The following TRPM2 variants were observed in gnomAD, a reference collection of about 807,000 sequenced individuals.
The protein encoded by TRPM2 is estrogen-responsive element-associated gene 1 protein.
TRPM2 carries 161 observed loss-of-function variants against 174.0 expected under a neutral mutation model. The ratio of observed to expected loss-of-function variants is 0.93; its 90% CI spans 0.81 to 1.05. The LOEUF (loss-of-function observed/expected upper bound fraction) is 1.05. Ranked by LOEUF, TRPM2 falls within the 50% of genes least tolerant of loss-of-function variation. TRPM2 has a pLI of 0.00. For synonymous variants in TRPM2, 954 were observed against 861.3 expected, an observed-to-expected ratio of 1.11 and a Z score of -1.88; for missense variants, 2,057 against 2,038.0, an observed-to-expected ratio of 1.01 and a Z score of -0.18.
chr21:44,418,174 C>T (rs1261840758), intron 21 of TRPM2, 66 bp downstream of exon 21: 1 of 1,548,228 alleles, frequency 6.5e-7, no homozygotes, highest in Non-Finnish European at 8.7e-7. Flanking sequence ...GTGGAGATGG[C>T]ATGGCAGCTC....
intron 27 of TRPM2, among the ~76,000 whole-genome samples, chr21:44,434,559 G>A (rs2051160878): frequency 6.6e-6 from 1 of 152,230 alleles, no homozygotes; most frequent in East Asian, 1.9e-4. Flanking sequence ...CCCGTTTCTA[G>A]AACTTGCTGT....
At position 44,391,407 on chromosome 21, in the gene TRPM2, C is replaced by T. The variant is rs746682156; in HGVS notation, c.1576C>T (p.Leu526=). ...CACCTTGCTCTACCTGTACGAGAACCTGGACCCCTCCTGCCTGTTCCACAG... is the reference window on the plus strand; with the variant it reads ...CACCTTGCTCTACCTGTACGAGAACTTGGACCCCTCCTGCCTGTTCCACAG... ...WDTLLYLYEN[L]DPSCLFHSKL... Residue 526 remains leucine, a synonymous_variant, in exon 11 of 32, where the codon CTG becomes TTG. Transcript: ENST00000397928. This position sits in a 1 kb window ranked among gnomAD's most constrained non-coding sequence, Gnocchi z 5.0. The T allele has an allele frequency of 1.2e-6, 2 of 1,614,124 alleles. No homozygotes were observed.
intron 13 of TRPM2, 45 bp downstream of exon 13, chr21:44,397,921 C>T: frequency 6.5e-7 from 1 of 1,528,022 alleles, no homozygotes; most frequent in African/African-American, 1.4e-5. Context: ...CTCAGCCGTG[C>T]ATGCCCTCAC....
intron 9 of TRPM2, among the ~76,000 whole-genome samples, chr21:44,387,614 C>A (rs1295321059): frequency 1.3e-5 from 2 of 152,042 alleles, no homozygotes; most frequent in African/African-American, 4.8e-5. Flanking sequence ...AAAGGCAACC[C>A]ATGGAATGGG....
In TRPM2 at chr21:44,379,199, T is replaced by C. The variant is rs759843571; in HGVS notation, c.1215+2T>C. On this transcript the variant is annotated splice_donor_variant, in intron 8 of 31. Transcript: ENST00000397928. LOFTEE classifies it high-confidence loss of function. ...AGGATTGTCGAGTGGACCAAAAAGG[T>C]GAGGCTGACGGGCACGACGGTCACC... 2 of 1,612,044 alleles carry C rather than the reference T, an allele frequency of 1.2e-6. No homozygotes were observed. The highest frequency in any genetic ancestry group is 1.7e-6 in the Non-Finnish European group (2 of 1,179,890).
chr21:44,416,620 G>C (rs1410003069), intron 20 of TRPM2: 5 of 186,564 alleles, frequency 2.7e-5, no homozygotes, highest in Non-Finnish European at 4.5e-5. Context: ...TTATAATATC[G>C]AAAGTCTGTG....
At chr21:44,437,000 C>G (rs1043077034) in intron 28 of TRPM2, 62 bp from the exon 29 acceptor site, 1 of 1,471,006 alleles carries the variant, frequency 6.8e-7, no homozygotes. Flanking sequence ...AGCCCCGCCG[C>G]GGCGCAGGGG....
chr21:44,422,164 C>T, intron 22 of TRPM2: 2 of 1,338,178 alleles, frequency 1.5e-6, no homozygotes, highest in South Asian at 2.9e-5. Flanking sequence ...GTCACCGTCC[C>T]CTCCTCCAGT....
intron 27 of TRPM2, among the ~76,000 whole-genome samples, chr21:44,428,185 A>T (rs2050875670): frequency 6.6e-6 from 1 of 152,180 alleles, no homozygotes; most frequent in Admixed American, 6.5e-5. Context: ...TTTCTATGAA[A>T]TTATAAAGAC....
Position 44,399,903 on chromosome 21 carries a change from G to A in TRPM2, c.2209-356G>A, listed in dbSNP as rs1185876316. ...GCACGCTGGGCTTCCTTGGAGCGCC[G>A]AGCTATTGCCAAGTCCATGAGCTCC... On this transcript the variant is annotated intron_variant, in intron 14 of 31. Coordinates refer to ENST00000397928, the MANE Select transcript of TRPM2 (RefSeq NM_003307.4). The surrounding 1 kb of genome is among the most constrained non-coding windows in gnomAD (Gnocchi z 4.6). 1.3e-5 allele frequency among the ~76,000 whole-genome samples: 2 copies of A among 152,138 alleles called. No homozygotes were observed. The highest frequency in any genetic ancestry group is 2.1e-4 in the South Asian group (1 of 4,838).
At chr21:44,418,593 C>T (rs776911822) in intron 22 of TRPM2, 38 bp downstream of exon 22, 6 of 1,611,124 alleles carry the variant, frequency 3.7e-6, no homozygotes, top group Non-Finnish European at 5.1e-6. Flanking sequence ...CGGGAAGCCT[C>T]TGGGGGACCT....
At chr21:44,403,481 T>C (rs1479573403) in intron 16 of TRPM2, among the ~76,000 whole-genome samples, 2 of 151,778 alleles carry the variant, frequency 1.3e-5, no homozygotes, top group Non-Finnish European at 2.9e-5. Context: ...TGCACACACA[T>C]GCATACACAT....
rs141958151 is a variant in TRPM2, at chr21:44,423,333, A to T, written c.3462-312A>T. 3.7e-4 allele frequency: 140 copies of T among 377,668 alleles called. 2 individuals carry two copies. In the East Asian group the frequency reaches 6.8e-3, roughly 18 times the overall value. 23.4% of individuals were successfully genotyped at this position (377,668 alleles called of 1,614,324 possible). On this transcript the variant is annotated intron_variant, in intron 22 of 31. Transcript: ENST00000397928. The stretch of plus-strand genomic sequence containing the variant: ...CTCTGCTGTGCCCAGAGGAAGTTTC[A>T]TTGTTTGTGACCTGTCACCTGGCCC...
intron 19 of TRPM2, among the ~76,000 whole-genome samples, chr21:44,408,654 CTTTTTTTTTTTT>C (rs34026339): frequency 7.8e-5 from 8 of 102,740 alleles, no homozygotes; most frequent in African/African-American, 1.8e-4. Flanking sequence ...CTCCTTTGCC[CTTTTTTTTTTTT>C]TTTTTTTTTC....
intron 2 of TRPM2, among the ~76,000 whole-genome samples, chr21:44,361,645 G>GTT (rs113631127): frequency 4.8e-5 from 7 of 144,682 alleles, no homozygotes; most frequent in African/African-American, 1.8e-4. Flanking sequence ...TTTGTTCTGT[G>GTT]TTTTTTTTTT....
At position 44,435,117 on chromosome 21, in the gene TRPM2, C is replaced by A. The variant is rs767238992; in HGVS notation, c.3975-14C>A. The A allele has an allele frequency of 1.2e-6, 2 of 1,610,726 alleles. No individual in the cohort carries two copies. The highest frequency in any genetic ancestry group is 1.1e-5 in the South Asian group (1 of 90,920). ...TGGTGGACGGTGGACTGACTCAACC[C>A]CTCTGCATCCCAGGAACCCCATGGG... On this transcript the variant is annotated splice_polypyrimidine_tract_variant and intron_variant, in intron 27 of 31. Transcript: ENST00000397928.
intron 9 of TRPM2, among the ~76,000 whole-genome samples, chr21:44,389,034 A>T (rs554697815): frequency 6.6e-6 from 1 of 152,298 alleles, no homozygotes; most frequent in South Asian, 2.1e-4. Flanking sequence ...TCCATACAGG[A>T]CATCTCCCCT....
intron 19 of TRPM2, among the ~76,000 whole-genome samples, chr21:44,407,688 G>A (rs1379492939): frequency 6.6e-6 from 1 of 151,632 alleles, no homozygotes; most frequent in Non-Finnish European, 1.5e-5. Context: ...ACTGGATGAT[G>A]TAATAGGCAG....
intron 17 of TRPM2, 42 bp from the exon 18 acceptor site, chr21:44,405,863 G>A: frequency 6.3e-7 from 1 of 1,589,338 alleles, no homozygotes; most frequent in Non-Finnish European, 8.5e-7. Flanking sequence ...GGGCTGCTGT[G>A]AGCAGGTGGC....
Sources: allele counts gnomAD v4.1 joint callset (sites outside exome capture counted in the v4.1 genomes callset), GRCh38; gene constraint gnomAD v4.1.1; non-coding constraint Gnocchi (gnomAD v3.1); transcripts MANE v1.5; gene names NCBI Gene and HGNC (gene_info 2026-07-23, HGNC 2026-07-21).